Variants in ZNF385D observed in about 807,000 individuals in gnomAD.
ZNF385D encodes the protein zinc finger protein 659.
A neutral mutation model predicts 35.8 loss-of-function variants in ZNF385D; 15 were observed. That is an observed-to-expected ratio of 0.42 (90% CI 0.28 to 0.64). ZNF385D has a LOEUF of 0.64. ZNF385D is among the 30% of genes least tolerant of loss of function. The pLI is 0.23. For missense variants in ZNF385D, 474 were observed against 494.6 expected, an observed-to-expected ratio of 0.96 and a Z score of 0.39; for synonymous variants, 212 against 186.8, an observed-to-expected ratio of 1.13 and a Z score of -1.10.
chr3:21,485,526 C>T (rs952890147), intron 4 of ZNF385D, among the ~76,000 whole-genome samples: 2 of 152,082 alleles, frequency 1.3e-5, no homozygotes, highest in Non-Finnish European at 2.9e-5. Flanking sequence ...ATCATTTCTG[C>T]TCTTGCTAGG....
intron 1 of ZNF385D, among the ~76,000 whole-genome samples, chr3:21,743,029 G>T (rs547534597): frequency 6.6e-6 from 1 of 152,166 alleles, no homozygotes; most frequent in East Asian, 1.9e-4. Flanking sequence ...AAATAGAACC[G>T]TGAGAAACAT....
Position 22,313,345 on chromosome 3 carries a change from C to T in ZNF385D, c.106+59105G>A, listed in dbSNP as rs1484856980. 2.6e-5 allele frequency among the ~76,000 whole-genome samples: 4 copies of T among 151,912 alleles called. No individual in the cohort carries two copies. In the East Asian group the frequency reaches 7.8e-4, roughly 30 times the overall value. On this transcript the variant is annotated intron_variant, in intron 2 of 5. Transcript: ENST00000494108. ...AGCACACCAACATGGCACATGTATA[C>T]ATATGTAACAAACCTGCACGTTGTG... is the stretch of plus-strand genomic sequence containing the variant.
chr3:22,073,551 GC>G (rs1457889838), intron 3 of ZNF385D, among the ~76,000 whole-genome samples: 6 of 151,836 alleles, frequency 4.0e-5, no homozygotes, highest in African/African-American at 1.4e-4. Flanking sequence ...AAAATTATTG[GC>G]AAGGAATAAA....
intron 3 of ZNF385D, among the ~76,000 whole-genome samples, chr3:21,852,541 G>C (rs1340512953): frequency 2.0e-5 from 3 of 151,910 alleles, no homozygotes; most frequent in African/African-American, 7.2e-5. Flanking sequence ...TGTGTGATTG[G>C]TAGGGAATTA....
chr3:22,224,821 T>TGG (rs1698460664), intron 2 of ZNF385D, among the ~76,000 whole-genome samples: 1 of 152,186 alleles, frequency 6.6e-6, no homozygotes, highest in South Asian at 2.1e-4. Flanking sequence ...GCTCCCTGCG[T>TGG]GGGGCACCAT....
intron 1 of ZNF385D, among the ~76,000 whole-genome samples, chr3:21,746,588 G>A (rs947617677): frequency 2.0e-5 from 3 of 152,114 alleles, no homozygotes; most frequent in Admixed American, 2.0e-4. Flanking sequence ...AGACATAATG[G>A]TCAGGACTTC....
At chr3:21,853,182 G>C (rs918964814) in intron 3 of ZNF385D, among the ~76,000 whole-genome samples, 5 of 151,820 alleles carry the variant, frequency 3.3e-5, no homozygotes, top group African/African-American at 1.2e-4. Context: ...AAAATCAAGT[G>C]TGATTGGTGT....
intron 5 of ZNF385D, among the ~76,000 whole-genome samples, chr3:21,429,526 A>G (rs1367749732): frequency 1.3e-5 from 2 of 152,022 alleles, no homozygotes; most frequent in African/African-American, 2.4e-5. Context: ...TACTCATTAA[A>G]TCTTTCATCA....
chr3:21,447,003 G>T (rs1009406482), intron 4 of ZNF385D, among the ~76,000 whole-genome samples: 1 of 152,078 alleles, frequency 6.6e-6, no homozygotes, highest in African/African-American at 2.4e-5. Context: ...TTTCCACTTT[G>T]TTCACAGATG....
At chr3:21,963,017 G>C (rs1702683338) in intron 3 of ZNF385D, among the ~76,000 whole-genome samples, 1 of 152,120 alleles carries the variant, frequency 6.6e-6, no homozygotes, top group South Asian at 2.1e-4. Flanking sequence ...GCAAATATTT[G>C]TTAAACAGTA....
In ZNF385D at chr3:21,424,042, T is replaced by G. The variant is rs1575118033; in HGVS notation, c.875A>C (p.Lys292Thr). The G allele has an allele frequency of 6.3e-7, 1 of 1,599,454 alleles. No individual in the cohort carries two copies. The highest frequency in any genetic ancestry group is 2.3e-5 in the East Asian group (1 of 43,136). The change falls in exon 7 of 8, where the codon AAA becomes ACA. Residue 292 changes from lysine (K) to threonine (T), a missense_variant. Transcript: ENST00000281523. ...CGGGGGCTTCCCAGCAGCTCTGTCT[T>G]TGTGCCTTCTACTGCTAATGTGCTA... ...LKQHISSRRH[K>T]DRAAGKPPKP...
chr3:22,223,407 T>C (rs1000358564), intron 2 of ZNF385D, among the ~76,000 whole-genome samples: 5 of 152,102 alleles, frequency 3.3e-5, no homozygotes, highest in Admixed American at 6.6e-5. Flanking sequence ...ATGAAATAAA[T>C]CTTTATTTCT....
chr3:21,984,565 G>A (rs1393217152), intron 3 of ZNF385D, among the ~76,000 whole-genome samples: 4 of 116,394 alleles, frequency 3.4e-5, no homozygotes, highest in East Asian at 2.5e-4. Flanking sequence ...TTTGGTTACT[G>A]TAGCCTTGTA....
At chr3:22,059,032 G>GA (rs1699557311) in intron 3 of ZNF385D, among the ~76,000 whole-genome samples, 1 of 152,168 alleles carries the variant, frequency 6.6e-6, no homozygotes, top group Non-Finnish European at 1.5e-5. Context: ...TGAGGAAAAG[G>GA]AAAAGGACAT....
At chr3:22,280,692 G>A (rs1701692376) in intron 2 of ZNF385D, among the ~76,000 whole-genome samples, 1 of 152,024 alleles carries the variant, frequency 6.6e-6, no homozygotes, top group South Asian at 2.1e-4. Flanking sequence ...TTGAAGTCGG[G>A]TAATGTAATG....
chr3:21,868,744 T>C (rs1426530212), intron 3 of ZNF385D, among the ~76,000 whole-genome samples: 2 of 152,130 alleles, frequency 1.3e-5, no homozygotes, highest in Non-Finnish European at 2.9e-5. Flanking sequence ...AAAAACTATT[T>C]TCCAGCATCT....
chr3:22,308,759 G>C (rs1162066784), intron 2 of ZNF385D, among the ~76,000 whole-genome samples: 2 of 152,098 alleles, frequency 1.3e-5, no homozygotes, highest in African/African-American at 4.8e-5. Context: ...CAGAATTAAA[G>C]TGGAGATTTT....
intron 2 of ZNF385D, among the ~76,000 whole-genome samples, chr3:22,369,500 A>G (rs1445728929): frequency 6.6e-6 from 1 of 152,020 alleles, no homozygotes; most frequent in Non-Finnish European, 1.5e-5. Flanking sequence ...TCTCTAGGCA[A>G]GTTATTATGA....
At chr3:21,547,989 C>G (rs1473897367) in intron 3 of ZNF385D, among the ~76,000 whole-genome samples, 2 of 152,104 alleles carry the variant, frequency 1.3e-5, no homozygotes, top group Non-Finnish European at 2.9e-5. Flanking sequence ...AGCCTGTCCA[C>G]TGAGCTGTAA....
Sources: allele counts gnomAD v4.1 joint callset (sites outside exome capture counted in the v4.1 genomes callset), GRCh38; gene constraint gnomAD v4.1.1; transcripts MANE v1.5; gene names NCBI Gene and HGNC (gene_info 2026-07-23, HGNC 2026-07-21).